Variants in OR1J2 observed in about 807,000 individuals in gnomAD.
OR1J2 encodes olfactory receptor 1J2.
For missense variants in OR1J2, 304 were observed against 246.1 expected (o/e 1.24, Z -1.57); for synonymous variants, 142 against 99.7 (o/e 1.42, Z -2.52).
chr9:122,548,521 A>G, the OR1J2 span, among the ~76,000 whole-genome samples: 3 of 152,116 alleles, frequency 2.0e-5, no homozygotes, highest in East Asian at 1.9e-4. Flanking sequence ...GTGACTCATT[A>G]GGAGATGGTT....
the OR1J2 span, among the ~76,000 whole-genome samples, chr9:122,483,662 G>A: frequency 2.6e-5 from 4 of 152,178 alleles, no homozygotes; most frequent in East Asian, 1.9e-4. Context: ...GGATATGTGG[G>A]ATGCACCTTT....
At chr9:122,478,583 A>G in the OR1J2 span, among the ~76,000 whole-genome samples, 2 of 152,172 alleles carry the variant, frequency 1.3e-5, no homozygotes, top group East Asian at 1.9e-4. Flanking sequence ...CCAAAAGACA[A>G]CAAAACAAGT....
the OR1J2 span, among the ~76,000 whole-genome samples, chr9:122,482,961 ATTG>A: frequency 6.6e-6 from 1 of 152,196 alleles, no homozygotes; most frequent in Non-Finnish European, 1.5e-5. Context: ...TAGGGTAAAT[ATTG>A]TTAACAACAT....
At chr9:122,448,422 G>A in the OR1J2 span, among the ~76,000 whole-genome samples, 17 of 152,076 alleles carry the variant, frequency 1.1e-4, no homozygotes, top group Non-Finnish European at 1.8e-4. Context: ...CAGTTCCCAG[G>A]GGCAGGCAGG....
the OR1J2 span, among the ~76,000 whole-genome samples, chr9:122,491,076 G>A: frequency 7.2e-5 from 11 of 152,138 alleles, no homozygotes; most frequent in African/African-American, 9.7e-5. Flanking sequence ...TTAAGTCTCC[G>A]TAGTCAGAAT....
the OR1J2 span, chr9:122,553,445 T>C: frequency 6.2e-7 from 1 of 1,614,194 alleles, no homozygotes; most frequent in Non-Finnish European, 8.5e-7. Context: ...GTTTCACTTC[T>C]GCCTCCATCC....
the OR1J2 span, among the ~76,000 whole-genome samples, chr9:122,555,230 A>G: frequency 6.6e-6 from 1 of 152,226 alleles, no homozygotes; most frequent in Non-Finnish European, 1.5e-5. Context: ...TAATAAAGGA[A>G]GGTATGCCCT....
At chr9:122,483,826 A>G in the OR1J2 span, among the ~76,000 whole-genome samples, 1 of 152,164 alleles carries the variant, frequency 6.6e-6, no homozygotes, top group South Asian at 2.1e-4. Flanking sequence ...TATTTCTCTA[A>G]ATAAAAAATA....
chr9:122,504,323 A>T, the OR1J2 span, among the ~76,000 whole-genome samples: 1 of 152,116 alleles, frequency 6.6e-6, no homozygotes, highest in African/African-American at 2.4e-5. Context: ...ACTATCTACC[A>T]TGGATACCTC....
chr9:122,556,258 A>AGGT, the OR1J2 span, among the ~76,000 whole-genome samples: 3 of 150,716 alleles, frequency 2.0e-5, no homozygotes, highest in Admixed American at 1.3e-4. Context: ...ATTCAGGGAA[A>AGGT]GGTGTAATGT....
At chr9:122,472,091 C>G in the OR1J2 span, among the ~76,000 whole-genome samples, 1 of 152,180 alleles carries the variant, frequency 6.6e-6, no homozygotes, top group Admixed American at 6.5e-5. Flanking sequence ...GTGCATAACC[C>G]TGAACATTTT....
the OR1J2 span, among the ~76,000 whole-genome samples, chr9:122,470,182 G>A: frequency 2.2e-3 from 331 of 152,306 alleles, 6 homozygotes; most frequent in East Asian, 0.025. Context: ...TAACAGACCT[G>A]GAGGTCTAGG....
the OR1J2 span, among the ~76,000 whole-genome samples, chr9:122,483,535 A>G: frequency 6.6e-6 from 1 of 152,236 alleles, no homozygotes; most frequent in Non-Finnish European, 1.5e-5. Context: ...ACAACACTAT[A>G]TATTATTTAT....
chr9:122,459,927 C>T, the OR1J2 span, among the ~76,000 whole-genome samples: 235 of 151,912 alleles, frequency 1.5e-3, 2 homozygotes, highest in Non-Finnish European at 3.0e-3. Flanking sequence ...CATTAAAAGA[C>T]GCTTTTAATG....
chr9:122,478,513 A>G, the OR1J2 span, among the ~76,000 whole-genome samples: 1 of 152,174 alleles, frequency 6.6e-6, no homozygotes, highest in Admixed American at 6.5e-5. Flanking sequence ...TAGACCCCTA[A>G]TCTTTTTTTA....
At chr9:122,549,900 G>A in the OR1J2 span, among the ~76,000 whole-genome samples, 2 of 151,960 alleles carry the variant, frequency 1.3e-5, no homozygotes, top group Non-Finnish European at 1.5e-5. Context: ...ATGAAAAATG[G>A]TGTTGGTATT....
chr9:122,471,019 G>C, the OR1J2 span, among the ~76,000 whole-genome samples: 3 of 152,172 alleles, frequency 2.0e-5, no homozygotes, highest in Non-Finnish European at 4.4e-5. Context: ...TGTCTCAGAT[G>C]ACACTTTGGA....
chr9:122,524,120 G>C, the OR1J2 span, among the ~76,000 whole-genome samples: 1 of 152,186 alleles, frequency 6.6e-6, no homozygotes, highest in African/African-American at 2.4e-5. Context: ...TGCCACAGTG[G>C]TTTCAAGCTC....
chr9:122,579,694 AATT>A, the OR1J2 span, among the ~76,000 whole-genome samples: 1 of 152,196 alleles, frequency 6.6e-6, no homozygotes, highest in Admixed American at 6.5e-5. Context: ...ATGGTGTCAT[AATT>A]ATTTCAGGAT....
Sources: allele counts gnomAD v4.1 joint callset (sites outside exome capture counted in the v4.1 genomes callset), GRCh38; gene constraint gnomAD v4.1.1; transcripts MANE v1.5; gene names NCBI Gene and HGNC (gene_info 2026-07-23, HGNC 2026-07-21).